GLS: variants seen among roughly 807,000 people sequenced by gnomAD.
The protein encoded by GLS is glutaminase, also known as glutaminase kidney isoform, mitochondrial.
A neutral mutation model predicts 86.7 loss-of-function variants in GLS; 36 were observed. The ratio of observed to expected loss-of-function variants is 0.42; its 90% CI spans 0.32 to 0.55. GLS has a LOEUF of 0.55. Ranked by LOEUF, GLS falls within the 20% of genes least tolerant of loss-of-function variation. GLS has a pLI of 0.17. For synonymous variants in GLS, 317 were observed against 305.9 expected (o/e 1.04, Z -0.38); for missense variants, 528 against 833.4 (o/e 0.63, Z 4.51).
Position 190,921,437 on chromosome 2 carries a change from C to T in GLS, c.1130+234C>T, listed in dbSNP as rs1047782883. 6.6e-5 allele frequency among the ~76,000 whole-genome samples: 10 copies of T among 151,880 alleles called. No homozygotes were observed. Among genetic ancestry groups the T allele is most frequent in the African/African-American group, 2.2e-4 (9 of 41,392 alleles). ...TTCAGTTTTATCTTTGCTTGTAATA[C>T]CTGTCTTACCTCTCTTCTATTTCTG... is the stretch of plus-strand genomic sequence containing the variant. On this transcript the variant is annotated intron_variant, in intron 9 of 17. Transcript: ENST00000320717. This position sits in a 1 kb window ranked among gnomAD's most constrained non-coding sequence, Gnocchi z 4.2.
At chr2:190,898,301 T>C (rs1442910339) in intron 3 of GLS, among the ~76,000 whole-genome samples, 1 of 152,164 alleles carries the variant, frequency 6.6e-6, no homozygotes. Context: ...GGAAAGAAAA[T>C]GATTATTCCC....
intron 14 of GLS, among the ~76,000 whole-genome samples, chr2:190,937,686 G>T (rs967189643): frequency 1.3e-5 from 2 of 151,014 alleles, no homozygotes; most frequent in African/African-American, 4.8e-5. Flanking sequence ...TTTGTAAGTT[G>T]TAGCTAATAG....
At position 190,891,156 on chromosome 2, in the gene GLS, G is replaced by A. The variant is rs144742488; in HGVS notation, c.387-3996G>A. 1.6e-4 allele frequency among the ~76,000 whole-genome samples: 25 copies of A among 151,930 alleles called. 1 individual carries two copies. Among genetic ancestry groups the A allele is most frequent in the African/African-American group, 5.1e-4 (21 of 41,446 alleles). ...AGAAACTTTCTTGATTTCCCCTACC[G>A]ATTAAGGCAAAATTAAATACTTCAT... On this transcript the variant is annotated intron_variant, in intron 1 of 17. Coordinates refer to ENST00000320717, the MANE Select transcript of GLS (RefSeq NM_014905.5).
chr2:190,932,895 A>G, intron 14 of GLS: 1 of 1,433,682 alleles, frequency 7.0e-7, no homozygotes, highest in Non-Finnish European at 9.2e-7. Flanking sequence ...ATGTTTCTTC[A>G]TTTAATCTTT....
At chr2:190,940,640 C>G (rs542224176) in intron 14 of GLS, among the ~76,000 whole-genome samples, 1 of 152,092 alleles carries the variant, frequency 6.6e-6, no homozygotes, top group Admixed American at 6.5e-5. Flanking sequence ...GTTGCTTTCC[C>G]ACTTGTGTGA....
chr2:190,959,582 C>A (rs761930946), intron 17 of GLS, among the ~76,000 whole-genome samples: 7 of 151,790 alleles, frequency 4.6e-5, no homozygotes, highest in Non-Finnish European at 1.0e-4. Context: ...TTTTAACAAC[C>A]CAGGGTAGAC....
chr2:190,910,357 CTTTT>C, intron 7 of GLS, 36 bp downstream of exon 7: 1 of 972,658 alleles, frequency 1.0e-6, no homozygotes, highest in Non-Finnish European at 1.5e-6. Context: ...CCTAGTAAAA[CTTTT>C]TTTTTTTAAC....
chr2:190,962,743 C>A lies in GLS; in HGVS notation c.1854-87C>A. ...AAAATAGCTAAATTTGGCCATTTAA[C>A]CTGCATTTAAAATCTAGGAATGTGG... On this transcript the variant is annotated intron_variant, in intron 17 of 17. Transcript: ENST00000320717. This position sits in a 1 kb window ranked among gnomAD's most constrained non-coding sequence, Gnocchi z 4.2. 4.8e-6 allele frequency: 4 copies of A among 840,598 alleles called. No individual in the cohort carries two copies. Among genetic ancestry groups the A allele is most frequent in the Non-Finnish European group, 6.8e-6 (4 of 591,438 alleles). The allele number at this position is 840,598 out of a possible 1,614,324, so 52.1% of individuals were successfully genotyped here.
intron 1 of GLS, among the ~76,000 whole-genome samples, chr2:190,893,133 C>T (rs1688619645): frequency 6.6e-6 from 1 of 152,140 alleles, no homozygotes; most frequent in African/African-American, 2.4e-5. Context: ...GATTTTTTGA[C>T]AGCTGGTTCA....
rs1690515113 is a variant in GLS, at chr2:190,943,970, A to G, written c.1651-9595A>G. On this transcript the variant is annotated intron_variant, in intron 14 of 17. Coordinates refer to ENST00000320717, the MANE Select transcript of GLS (RefSeq NM_014905.5). The surrounding 1 kb of genome is among the most constrained non-coding windows in gnomAD (Gnocchi z 4.5). ...GAATAACTATAGAAAACTCAAGTCC[A>G]TGTGCCTGGCTTTGTTATAGTAGCA... Among the ~76,000 whole-genome samples the G allele has an allele frequency of 1.3e-5, 2 of 152,174 alleles. No individual in the cohort carries two copies.
Position 190,949,809 on chromosome 2 carries a change from A to G in GLS, c.1651-3756A>G, listed in dbSNP as rs1690670927. 1.3e-5 allele frequency among the ~76,000 whole-genome samples: 2 copies of G among 152,120 alleles called. No individual in the cohort carries two copies. Among genetic ancestry groups the G allele is most frequent in the South Asian group, 4.1e-4 (2 of 4,830 alleles). ...TATTCACTTAGTCAATAGATATTTA[A>G]TGAGCACCTATTATGTGTGATAGAC... On this transcript the variant is annotated intron_variant, in intron 14 of 17. Transcript: ENST00000320717. The surrounding 1 kb of genome is among the most constrained non-coding windows in gnomAD (Gnocchi z 4.0).
intron 14 of GLS, chr2:190,934,798 TATCTA>T (rs1370524551): frequency 2.1e-6 from 2 of 963,508 alleles, no homozygotes; most frequent in East Asian, 1.1e-4. Context: ...GAAGTACTGT[TATCTA>T]AGCTACTGTG....
At chr2:190,915,741 T>C (rs1216204122) in intron 7 of GLS, among the ~76,000 whole-genome samples, 1 of 152,164 alleles carries the variant, frequency 6.6e-6, no homozygotes, top group Non-Finnish European at 1.5e-5. Flanking sequence ...CTTCACATTG[T>C]AAAAACCTCA....
intron 7 of GLS, among the ~76,000 whole-genome samples, chr2:190,918,066 CTA>C (rs1689602667): frequency 6.6e-6 from 1 of 152,116 alleles, no homozygotes; most frequent in Non-Finnish European, 1.5e-5. Flanking sequence ...CTTAAGGACT[CTA>C]GGGTTTTTGG....
At chr2:190,885,794 G>T (rs1388467649) in intron 1 of GLS, among the ~76,000 whole-genome samples, 2 of 150,670 alleles carry the variant, frequency 1.3e-5, no homozygotes, top group Non-Finnish European at 3.0e-5. Flanking sequence ...AGTTATTTTT[G>T]ATTTCTTCAT....
At position 190,882,504 on chromosome 2, in the gene GLS, A is replaced by G. The variant is rs542288453; in HGVS notation, c.386+1034A>G. Among the ~76,000 whole-genome samples, 109 of 152,200 alleles carry G rather than the reference A, an allele frequency of 7.2e-4. 1 individual carries two copies. In the South Asian group the frequency reaches 0.022, roughly 31 times the overall value. Reference sequence around the variant, plus strand: ...TCTTTTTCTGGCTTTGTACGCTGACACTCTAACCTGTTTTGCTTCCCTTTT... The same window carrying G: ...TCTTTTTCTGGCTTTGTACGCTGACGCTCTAACCTGTTTTGCTTCCCTTTT... On this transcript the variant is annotated intron_variant, in intron 1 of 17. Transcript: ENST00000320717.
intron 14 of GLS, chr2:190,933,382 T>C: frequency 1.1e-6 from 1 of 877,936 alleles, no homozygotes; most frequent in Non-Finnish European, 1.4e-6. Context: ...GATTATAAAA[T>C]TAGCTTGTGT....
At chr2:190,919,322 A>C (rs547136886) in intron 7 of GLS, among the ~76,000 whole-genome samples, 41 of 152,282 alleles carry the variant, frequency 2.7e-4, no homozygotes, top group Admixed American at 2.0e-3. Context: ...ATTGTGCTTT[A>C]ATTTAGTAAG....
rs1691057318 is a variant in GLS at position 190,963,681 on chromosome 2, T to C, written c.*695T>C. The stretch of plus-strand genomic sequence containing the variant: ...TTAGTCCAGCCTCTCTTCTCAGACA[T>C]TTAGCTATCTGCCTCTTTCCTTTAG... On this transcript the variant is annotated 3_prime_UTR_variant, in exon 18 of 18. Transcript: ENST00000320717. 6.6e-6 allele frequency: 1 copy of C among 152,624 alleles called. No homozygotes were observed. The highest frequency in any genetic ancestry group is 1.5e-5 in the Non-Finnish European group (1 of 68,036). The allele number at this position is 152,624 out of a possible 1,614,324, so 9.5% of individuals were successfully genotyped here.
Sources: allele counts gnomAD v4.1 joint callset (sites outside exome capture counted in the v4.1 genomes callset), GRCh38; gene constraint gnomAD v4.1.1; non-coding constraint Gnocchi (gnomAD v3.1); transcripts MANE v1.5; gene names NCBI Gene and HGNC (gene_info 2026-07-23, HGNC 2026-07-21).